RYR3: variants seen among roughly 807,000 people sequenced by gnomAD.
The protein encoded by RYR3 is brain ryanodine receptor-calcium release channel.
A neutral mutation model predicts 584.3 loss-of-function variants in RYR3; 207 were observed. The ratio of observed to expected loss-of-function variants is 0.35; its 90% CI spans 0.32 to 0.40. The LOEUF is 0.40. Among genes scored for constraint, RYR3 ranks in the 10% least tolerant of loss-of-function variants. The probability of loss-of-function intolerance (pLI) is 1.00; values close to 1 mark genes in which losing one functional copy is unlikely to be tolerated. For missense variants in RYR3, 5,616 were observed against 6,089.2 expected, an observed-to-expected ratio of 0.92 and a Z score of 2.59; for synonymous variants, 2,416 against 2,248.5, an observed-to-expected ratio of 1.07 and a Z score of -2.11.
At chr15:33,344,709 G>A (rs994065938) in intron 1 of RYR3, among the ~76,000 whole-genome samples, 5 of 151,828 alleles carry the variant, frequency 3.3e-5, no homozygotes, top group African/African-American at 7.3e-5. Context: ...TTGAGAAGAC[G>A]GTTTCTTAAA....
At chr15:33,858,518 TTATTATGA>T (rs1414004898) in intron 99 of RYR3, 1 of 102,064 alleles carries the variant, frequency 9.8e-6, no homozygotes, top group Non-Finnish European at 2.5e-5. Flanking sequence ...AGATGAGACA[TTATTATGA>T]ATGAAACCAG....
chr15:33,412,242 A>G lies in RYR3; in HGVS notation c.52-61177A>G, dbSNP rs1005598306. ...TCTGGTGAAGCCATGCAGCTTTTCA[A>G]TTTAGTAACCCCTTTGGCTTGAGGC... On this transcript the variant is annotated intron_variant, in intron 1 of 103. Transcript: ENST00000634891. This position sits in a 1 kb window ranked among gnomAD's most constrained non-coding sequence, Gnocchi z 4.3. Among the ~76,000 whole-genome samples, 1 of 152,140 alleles carries G rather than the reference A, an allele frequency of 6.6e-6. No individual in the cohort carries two copies. The highest frequency in any genetic ancestry group is 2.4e-5 in the African/African-American group (1 of 41,422).
chr15:33,500,414 T>C (rs2051864917), intron 2 of RYR3, among the ~76,000 whole-genome samples: 1 of 152,178 alleles, frequency 6.6e-6, no homozygotes, highest in Non-Finnish European at 1.5e-5. Flanking sequence ...CAGAAAAATA[T>C]GCCATTATAT....
chr15:33,732,049 G>A (rs887612913), intron 48 of RYR3, among the ~76,000 whole-genome samples: 5 of 152,104 alleles, frequency 3.3e-5, no homozygotes, highest in Admixed American at 2.0e-4. Context: ...CTCTACATGA[G>A]CATATCTTAC....
At chr15:33,756,961 C>G (rs72715132) in intron 59 of RYR3, among the ~76,000 whole-genome samples, 2,236 of 152,264 alleles carry the variant, frequency 0.015, 27 homozygotes, top group Middle Eastern at 0.027. Context: ...CGTTTTCTGC[C>G]TGGGTGGCTC....
At chr15:33,533,046 G>C (rs528039601) in intron 4 of RYR3, among the ~76,000 whole-genome samples, 5 of 152,230 alleles carry the variant, frequency 3.3e-5, no homozygotes, top group Non-Finnish European at 7.3e-5. Context: ...GAGCCCAGGA[G>C]TCTGAGGCTG....
intron 38 of RYR3, among the ~76,000 whole-genome samples, chr15:33,671,705 C>T (rs1033091136): frequency 6.6e-6 from 1 of 151,776 alleles, no homozygotes; most frequent in African/African-American, 2.4e-5. Context: ...TGGTTACCGC[C>T]AAAGGAGAAC....
At chr15:33,484,408 A>G (rs1273793866) in intron 2 of RYR3, among the ~76,000 whole-genome samples, 1 of 152,146 alleles carries the variant, frequency 6.6e-6, no homozygotes, top group Non-Finnish European at 1.5e-5. Flanking sequence ...TTTCCTCTCT[A>G]ATAGATGGCA....
At position 33,452,716 on chromosome 15, in the gene RYR3, A is replaced by T. The variant is rs112829647; in HGVS notation, c.52-20703A>T. On this transcript the variant is annotated intron_variant, in intron 1 of 103. Transcript: ENST00000634891. ...AAAATTGAGGTGTGAGAGGTTAAAA[A>T]AATTGCCAAAAGTTACATGGTGAGG... Among the ~76,000 whole-genome samples, 283 of 152,030 alleles carry T rather than the reference A, an allele frequency of 1.9e-3. 1 individual carries two copies. The highest frequency in any genetic ancestry group is 6.3e-3 in the African/African-American group (263 of 41,468).
rs138623316 is a variant in RYR3, at chr15:33,701,451, G to T, written c.6483+371G>T. On this transcript the variant is annotated intron_variant, in intron 42 of 103. Transcript: ENST00000634891. ...GACATGGCAGAATACTGTATAATCA[G>T]TGTCCTTTCCATGTGTAACTGAGAC... is the stretch of plus-strand genomic sequence containing the variant. Among the ~76,000 whole-genome samples the T allele has an allele frequency of 2.4e-3, 365 of 152,308 alleles. 2 individuals carry two copies. The highest frequency in any genetic ancestry group is 8.5e-3 in the African/African-American group (353 of 41,558).
chr15:33,505,718 T>C (rs1359881343), intron 3 of RYR3, among the ~76,000 whole-genome samples: 1 of 152,202 alleles, frequency 6.6e-6, no homozygotes, highest in African/African-American at 2.4e-5. Context: ...GGTCTTGATC[T>C]CCTGACCTCG....
intron 32 of RYR3, among the ~76,000 whole-genome samples, chr15:33,658,976 A>G (rs968403338): frequency 2.0e-5 from 3 of 152,206 alleles, no homozygotes; most frequent in Non-Finnish European, 4.4e-5. Context: ...TTGTTATTCC[A>G]GTGAGGGACC....
At position 33,490,940 on chromosome 15, in the gene RYR3, G is replaced by A. The variant is rs117486070; in HGVS notation, c.172-12691G>A. 1.5e-3 allele frequency among the ~76,000 whole-genome samples: 232 copies of A among 152,182 alleles called. 8 individuals are homozygous for A. In the East Asian group the frequency reaches 0.039, roughly 26 times the overall value. ...GGCCAGTATCCATGGGGCTTGGCAC[G>A]GAGTTCTCTTTGAAGGGTGGTGGTT... On this transcript the variant is annotated intron_variant, in intron 2 of 103. Coordinates refer to ENST00000634891, the MANE Select transcript of RYR3 (RefSeq NM_001036.6).
chr15:33,447,987 A>G (rs1333746138), intron 1 of RYR3, among the ~76,000 whole-genome samples: 1 of 152,236 alleles, frequency 6.6e-6, no homozygotes, highest in Non-Finnish European at 1.5e-5. Flanking sequence ...TAATAAAAAT[A>G]TATTTTCTAA....
intron 1 of RYR3, among the ~76,000 whole-genome samples, chr15:33,357,649 A>C (rs1018531909): frequency 2.0e-5 from 3 of 152,208 alleles, no homozygotes; most frequent in African/African-American, 7.2e-5. Flanking sequence ...CTGCCTATGG[A>C]GTAGCCATTC....
chr15:33,516,927 C>T (rs1376614316), intron 3 of RYR3, among the ~76,000 whole-genome samples: 1 of 151,954 alleles, frequency 6.6e-6, no homozygotes, highest in East Asian at 1.9e-4. Context: ...CCTGGGTTAC[C>T]ATGTTTACAG....
chr15:33,827,840 T>C (rs2077459052), intron 85 of RYR3, among the ~76,000 whole-genome samples: 1 of 152,206 alleles, frequency 6.6e-6, no homozygotes, highest in Non-Finnish European at 1.5e-5. Context: ...TGTGCCTGTG[T>C]TCCAGTTTTT....
At chr15:33,636,685 C>A in intron 27 of RYR3, 135 bp downstream of exon 27, 2 of 721,636 alleles carry the variant, frequency 2.8e-6, no homozygotes, top group Non-Finnish European at 4.4e-6. Flanking sequence ...ATGGTGAAGA[C>A]GATCCCATAG....
chr15:33,694,443 A>G (rs1312280448), intron 38 of RYR3, among the ~76,000 whole-genome samples: 2 of 151,888 alleles, frequency 1.3e-5, no homozygotes, highest in Non-Finnish European at 2.9e-5. Flanking sequence ...ACGGGGTTTC[A>G]CCGTGTTAGC....
Sources: allele counts gnomAD v4.1 joint callset (sites outside exome capture counted in the v4.1 genomes callset), GRCh38; gene constraint gnomAD v4.1.1; non-coding constraint Gnocchi (gnomAD v3.1); transcripts MANE v1.5; gene names NCBI Gene and HGNC (gene_info 2026-07-23, HGNC 2026-07-21).